The following CENPI variants were observed in gnomAD, a reference collection of about 807,000 sequenced individuals.
The protein encoded by CENPI is centromere protein I, also known as FSH primary response 1.
Under a neutral mutation model 60.4 loss-of-function variants are expected in CENPI, and 4 were observed. That is an observed-to-expected ratio of 0.07 (90% confidence interval 0.03 to 0.15). The LOEUF (loss-of-function observed/expected upper bound fraction) is 0.15. CENPI is among the 10% of genes least tolerant of loss of function. The pLI is 1.00. For synonymous variants in CENPI, 157 were observed against 189.4 expected (o/e 0.83, Z 1.40); for missense variants, 444 against 534.5 (o/e 0.83, Z 1.67).
At position 101,165,387 on chromosome X, in the gene CENPI, A is replaced by C. The variant is rs1342447241; in HGVS notation, c.*2420A>C. Reference sequence around the variant, plus strand: ...AGGTTGGATTCAGACTCTGTTTTGTAAGTAGAGAAGATAATGTCTGCTGAT... The same window carrying C: ...AGGTTGGATTCAGACTCTGTTTTGTCAGTAGAGAAGATAATGTCTGCTGAT... On this transcript the variant is annotated 3_prime_UTR_variant, in exon 22 of 22. Transcript: ENST00000682095. Among the ~76,000 whole-genome samples the C allele has an allele frequency of 9.0e-6, 1 of 111,529 alleles. No individual in the cohort carries two copies. Among genetic ancestry groups the C allele is most frequent in the Non-Finnish European group, 1.9e-5 (1 of 53,133 alleles).
chrX:101,101,234 A>T lies in CENPI; in HGVS notation c.164A>T (p.Glu55Val), dbSNP rs2089412600. The T allele has an allele frequency of 7.4e-6, 9 of 1,208,831 alleles. No homozygotes were observed. Among genetic ancestry groups the T allele is most frequent in the Non-Finnish European group, 7.8e-6 (7 of 894,187 alleles). ...HGQNNPVGDY[E>V]HADDQAEEDA... ...CAAAACAATCCAGTGGGAGATTATG[A>T]ACATGCTGATGATCAAGCTGAAGAA... Residue 55 changes from glutamate (E) to valine (V), a missense_variant, in exon 3 of 22, where the codon GAA becomes GTA. Glu to Val is a moderately radical substitution (Grantham distance 121, BLOSUM62 -2). Coordinates refer to ENST00000682095, the MANE Select transcript of CENPI (RefSeq NM_001386188.2).
intron 20 of CENPI, among the ~76,000 whole-genome samples, chrX:101,157,061 T>G (rs1602859334): frequency 1.8e-5 from 2 of 111,850 alleles, no homozygotes; most frequent in Non-Finnish European, 3.8e-5. Flanking sequence ...TACTTTTAGT[T>G]CTTTAAGGAA....
At chrX:101,162,063 C>G (rs1453476022) in intron 21 of CENPI, among the ~76,000 whole-genome samples, 1 of 110,263 alleles carries the variant, frequency 9.1e-6, no homozygotes, top group Non-Finnish European at 1.9e-5. Flanking sequence ...GCCTCAGCCT[C>G]CTGAGAAGCT....
At chrX:101,166,569 TAAAG>T (rs762987364), downstream of CENPI, among the ~76,000 whole-genome samples, 26 of 112,701 alleles carry the variant, frequency 2.3e-4, no homozygotes, top group South Asian at 1.8e-3. Context: ...AATAGTTAAA[TAAAG>T]AATAGCTATT....
intron 21 of CENPI, among the ~76,000 whole-genome samples, chrX:101,162,471 A>ATAT (rs1182467283): frequency 0.022 from 1,676 of 75,932 alleles, 22 homozygotes; most frequent in Middle Eastern, 0.051. Context: ...AAAAAAAAAA[A>ATAT]AAATATATAT....
the CENPI span, among the ~76,000 whole-genome samples, chrX:101,177,479 C>G: frequency 9.0e-6 from 1 of 111,615 alleles, no homozygotes; most frequent in Non-Finnish European, 1.9e-5. Context: ...TTGAGCCAGG[C>G]TGGGTGGACC....
intron 2 of CENPI, 111 bp from the exon 3 acceptor site, chrX:101,100,947 C>T (rs2089407840): frequency 2.1e-6 from 1 of 468,088 alleles, no homozygotes; most frequent in African/African-American, 2.4e-5. Flanking sequence ...TATTGTATGC[C>T]TGTTGTATGC....
chrX:101,179,589 C>T, the CENPI span, among the ~76,000 whole-genome samples: 1 of 108,996 alleles, frequency 9.2e-6, no homozygotes, highest in Non-Finnish European at 1.9e-5. Flanking sequence ...GGCACCATCT[C>T]GGCTCACTGC....
intron 8 of CENPI, among the ~76,000 whole-genome samples, chrX:101,123,782 C>T (rs113302824): frequency 9.1e-6 from 1 of 109,748 alleles, no homozygotes; most frequent in Non-Finnish European, 1.9e-5. Context: ...GAGACAGGGT[C>T]TCTCTATGTC....
intron 20 of CENPI, among the ~76,000 whole-genome samples, chrX:101,160,375 CTTTTTTTTT>C (rs763855508): frequency 3.7e-5 from 3 of 81,425 alleles, no homozygotes; most frequent in Admixed American, 1.5e-4. Flanking sequence ...GCTTTTAGTT[CTTTTTTTTT>C]TTTTTTTTTT....
the CENPI span, among the ~76,000 whole-genome samples, chrX:101,173,019 T>TTTG: frequency 1.1e-5 from 1 of 92,898 alleles, no homozygotes; most frequent in Non-Finnish European, 2.2e-5. Flanking sequence ...GAATTTTTTT[T>TTTG]TTTTTTTTTT....
rs1277111034 is a variant in CENPI at position 101,127,267 on chromosome X, G to A, written c.906+1G>A. 1 of 1,161,544 alleles carries A rather than the reference G, an allele frequency of 8.6e-7. No individual in the cohort carries two copies. Among genetic ancestry groups the A allele is most frequent in the Non-Finnish European group, 1.1e-6 (1 of 873,855 alleles). ...AGCTAATGTTCGTCCTCTAAAAAGAGTAAGTATCTAAAGCTCAAACAACTT... is the reference window on the plus strand; with the variant it reads ...AGCTAATGTTCGTCCTCTAAAAAGAATAAGTATCTAAAGCTCAAACAACTT... On this transcript the variant is annotated splice_donor_variant, in intron 10 of 21. Transcript: ENST00000682095. LOFTEE classifies it high-confidence loss of function.
intron 15 of CENPI, among the ~76,000 whole-genome samples, chrX:101,136,958 G>T (rs1220738330): frequency 9.0e-6 from 1 of 110,743 alleles, no homozygotes; most frequent in Non-Finnish European, 1.9e-5. Context: ...TGTTGCCCAG[G>T]CTGGAGCGCA....
At chrX:101,160,699 TC>T (rs1452247555) in intron 20 of CENPI, among the ~76,000 whole-genome samples, 1 of 111,271 alleles carries the variant, frequency 9.0e-6, no homozygotes, top group Non-Finnish European at 1.9e-5. Flanking sequence ...AGCTTTTAGT[TC>T]CTTTAAGAAA....
chrX:101,113,136 G>A (rs939744124), intron 6 of CENPI, among the ~76,000 whole-genome samples: 3 of 109,417 alleles, frequency 2.7e-5, no homozygotes, highest in African/African-American at 1.0e-4. Flanking sequence ...AAAAACCTTA[G>A]GATGCTTTAA....
chrX:101,120,489 A>G, intron 7 of CENPI, 39 bp downstream of exon 7: 1 of 738,020 alleles, frequency 1.4e-6, no homozygotes, highest in Non-Finnish European at 2.1e-6. Context: ...ACTTTGTAGA[A>G]TTAGCATTTG....
intron 13 of CENPI, among the ~76,000 whole-genome samples, chrX:101,130,899 T>C (rs189280139): frequency 8.9e-6 from 1 of 112,277 alleles, no homozygotes; most frequent in East Asian, 2.8e-4. Context: ...ATTTTTAGCA[T>C]CCACACATTA....
At chrX:101,126,876 C>T in intron 9 of CENPI, 78 bp downstream of exon 9, 2 of 933,273 alleles carry the variant, frequency 2.1e-6, no homozygotes, top group Non-Finnish European at 3.1e-6. Context: ...CAGATTTCAA[C>T]TAAAATGTTT....
chrX:101,175,516 GTTTC>G, the CENPI span, among the ~76,000 whole-genome samples: 2 of 112,234 alleles, frequency 1.8e-5, no homozygotes, highest in Non-Finnish European at 3.8e-5. Context: ...TAAAATTGTA[GTTTC>G]TTGTCCTAAC....
Sources: gnomAD v4.1 joint callset for allele counts (sites outside exome capture counted in the v4.1 genomes callset) on GRCh38, gnomAD v4.1.1 for gene constraint, MANE v1.5 for transcripts, NCBI Gene and HGNC (gene_info 2026-07-23, HGNC 2026-07-21) for gene names.